The following BBS9 variants were observed in gnomAD, a reference collection of about 807,000 sequenced individuals.
BBS9 encodes protein PTHB1.
In BBS9, 89 loss-of-function variants were observed where a neutral mutation model predicts 117.7. The ratio of observed to expected loss-of-function variants is 0.76; its 90% CI spans 0.64 to 0.90. The LOEUF is 0.90. Among genes scored for constraint, BBS9 ranks in the 40% least tolerant of loss-of-function variants. The pLI, the probability that BBS9 is intolerant of heterozygous loss-of-function variation, is 0.00. For synonymous variants in BBS9, 379 were observed against 370.9 expected, an observed-to-expected ratio of 1.02 and a Z score of -0.25; for missense variants, 982 against 1,042.2, an observed-to-expected ratio of 0.94 and a Z score of 0.80.
intron 5 of BBS9, among the ~76,000 whole-genome samples, chr7:33,234,725 A>T (rs1381233816): frequency 1.3e-5 from 2 of 151,878 alleles, no homozygotes; most frequent in Non-Finnish European, 2.9e-5. Flanking sequence ...ACATACATTT[A>T]TATACATGCA....
intron 19 of BBS9, among the ~76,000 whole-genome samples, chr7:33,479,399 A>G (rs1313314386): frequency 6.6e-6 from 1 of 152,148 alleles, no homozygotes; most frequent in Non-Finnish European, 1.5e-5. Flanking sequence ...ACTTAGGATA[A>G]TGGTCTCTAG....
chr7:33,526,388 A>G (rs1849504986), intron 20 of BBS9, among the ~76,000 whole-genome samples: 1 of 152,218 alleles, frequency 6.6e-6, no homozygotes, highest in Non-Finnish European at 1.5e-5. Context: ...AGATACACCA[A>G]TCAGACGTAG....
At chr7:33,369,684 G>T (rs956610936) in intron 17 of BBS9, among the ~76,000 whole-genome samples, 2 of 152,162 alleles carry the variant, frequency 1.3e-5, no homozygotes, top group Admixed American at 6.5e-5. Context: ...AGAGAGATAG[G>T]TATAAGGAGA....
At chr7:33,210,994 CTCT>C (rs1188221675) in intron 5 of BBS9, among the ~76,000 whole-genome samples, 1 of 152,132 alleles carries the variant, frequency 6.6e-6, no homozygotes, top group African/African-American at 2.4e-5. Flanking sequence ...GCTACTCTGG[CTCT>C]TCTTTTGATT....
chr7:33,301,511 C>A (rs1034085474), intron 9 of BBS9, among the ~76,000 whole-genome samples: 1 of 152,148 alleles, frequency 6.6e-6, no homozygotes, highest in Non-Finnish European at 1.5e-5. Context: ...TAAGTGAGAA[C>A]ATGCAAACTT....
chr7:33,165,637 T>G (rs139092648), intron 4 of BBS9, among the ~76,000 whole-genome samples: 3 of 152,146 alleles, frequency 2.0e-5, no homozygotes, highest in Admixed American at 6.5e-5. Flanking sequence ...TATTGAAGCT[T>G]GTGCATGTGT....
intron 21 of BBS9, among the ~76,000 whole-genome samples, chr7:33,574,211 G>A (rs910160210): frequency 6.6e-6 from 1 of 152,104 alleles, no homozygotes; most frequent in Non-Finnish European, 1.5e-5. Context: ...TGCAAATAGT[G>A]AATATAAGAA....
chr7:33,191,175 G>C (rs1419285192), intron 5 of BBS9, among the ~76,000 whole-genome samples: 1 of 152,172 alleles, frequency 6.6e-6, no homozygotes, highest in Admixed American at 6.5e-5. Flanking sequence ...GCAACATACA[G>C]TCTTTTACAT....
chr7:33,147,821 C>G (rs995592442), intron 2 of BBS9, among the ~76,000 whole-genome samples: 3 of 151,594 alleles, frequency 2.0e-5, no homozygotes, highest in African/African-American at 7.2e-5. Flanking sequence ...TACTGCTTCC[C>G]TCACAGTTTG....
intron 5 of BBS9, among the ~76,000 whole-genome samples, chr7:33,236,305 G>A (rs1282410856): frequency 8.4e-6 from 1 of 118,982 alleles, no homozygotes; most frequent in African/African-American, 3.3e-5. Flanking sequence ...CAGCCTGGGT[G>A]ACAGAGTGAT....
chr7:33,286,682 G>C lies in BBS9; in HGVS notation c.1016+12726G>C, dbSNP rs181136382. 3.8e-3 allele frequency among the ~76,000 whole-genome samples: 572 copies of C among 152,178 alleles called. 4 individuals carry two copies. Among genetic ancestry groups the C allele is most frequent in the South Asian group, 0.023 (113 of 4,822 alleles). On this transcript the variant is annotated intron_variant, in intron 9 of 22. Coordinates refer to ENST00000242067, the MANE Select transcript of BBS9 (RefSeq NM_198428.3). ...ATAAAAGAGAAAAAGTGATTTATTT[G>C]TGTGTGGGGGGCAGTAACATAAAGT...
At chr7:33,422,157 C>A (rs577935611) in intron 19 of BBS9, among the ~76,000 whole-genome samples, 5 of 152,216 alleles carry the variant, frequency 3.3e-5, no homozygotes, top group Middle Eastern at 6.8e-3. Flanking sequence ...GTTATAGCTG[C>A]TATAGCTTTT....
At chr7:33,258,143 C>T (rs1374403336) in intron 6 of BBS9, among the ~76,000 whole-genome samples, 1 of 152,098 alleles carries the variant, frequency 6.6e-6, no homozygotes, top group African/African-American at 2.4e-5. Context: ...GAAATTCATG[C>T]TGGGAAAAGA....
At chr7:33,311,242 G>C (rs1202398015) in intron 9 of BBS9, among the ~76,000 whole-genome samples, 3 of 152,172 alleles carry the variant, frequency 2.0e-5, no homozygotes, top group African/African-American at 7.2e-5. Flanking sequence ...TAGGGGATGG[G>C]AGGTAGGTGA....
intron 17 of BBS9, among the ~76,000 whole-genome samples, chr7:33,371,115 A>T (rs989056736): frequency 1.3e-5 from 2 of 152,142 alleles, no homozygotes; most frequent in Non-Finnish European, 2.9e-5. Context: ...TGTTGAGGAG[A>T]TGCACACCCT....
intron 9 of BBS9, among the ~76,000 whole-genome samples, chr7:33,307,379 T>C (rs1390721224): frequency 3.3e-5 from 5 of 152,222 alleles, no homozygotes; most frequent in Admixed American, 6.5e-5. Context: ...TTATTATTGA[T>C]GGTTTATCAT....
chr7:33,440,038 C>G (rs1835931605), intron 19 of BBS9, among the ~76,000 whole-genome samples: 1 of 152,120 alleles, frequency 6.6e-6, no homozygotes, highest in African/African-American at 2.4e-5. Flanking sequence ...GTAATGTTTC[C>G]TTGCAGTGTG....
At chr7:33,349,594 T>C (rs1031769217) in intron 13 of BBS9, among the ~76,000 whole-genome samples, 26 of 151,982 alleles carry the variant, frequency 1.7e-4, no homozygotes, top group Admixed American at 5.2e-4. Context: ...ACCACCTGAC[T>C]AATTTTTTGT....
chr7:33,300,929 T>C (rs1806272359), intron 9 of BBS9, among the ~76,000 whole-genome samples: 2 of 152,162 alleles, frequency 1.3e-5, no homozygotes, highest in South Asian at 4.1e-4. Context: ...GAAGGATATT[T>C]TTGCTGGGTA....
Sources: allele counts gnomAD v4.1 joint callset (sites outside exome capture counted in the v4.1 genomes callset), GRCh38; gene constraint gnomAD v4.1.1; transcripts MANE v1.5; gene names NCBI Gene and HGNC (gene_info 2026-07-23, HGNC 2026-07-21).